LCMT1: variants seen among roughly 807,000 people sequenced by gnomAD.
LCMT1 encodes the protein leucine carboxyl methyltransferase 1.
In LCMT1, 32 loss-of-function variants were observed where a neutral mutation model predicts 47.7. The observed-to-expected ratio is 0.67, with a 90% CI of 0.51 to 0.90. LCMT1 has a LOEUF of 0.90. LCMT1 is among the 40% of genes least tolerant of loss of function. The pLI is 0.00. For synonymous variants in LCMT1, 152 were observed against 149.7 expected, an observed-to-expected ratio of 1.02 and a Z score of -0.11; for missense variants, 375 against 415.2, an observed-to-expected ratio of 0.90 and a Z score of 0.84.
rs372244438 is a variant in LCMT1, at chr16:25,111,887, G to A, written c.4G>A (p.Ala2Thr). 20 of 1,610,392 alleles carry A rather than the reference G, an allele frequency of 1.2e-5. No individual in the cohort carries two copies. Among genetic ancestry groups the A allele is most frequent in the African/African-American group, 1.1e-4 (8 of 74,872 alleles). The change falls in exon 1 of 11, where the codon GCC becomes ACC. Residue 2 changes from alanine to threonine, a missense_variant. Physicochemically the swap from Ala to Thr is moderately conservative, Grantham distance 58. Coordinates refer to ENST00000399069, the MANE Select transcript of LCMT1 (RefSeq NM_016309.3). Reference sequence around the variant, plus strand: ...GCTCCCAGGAACCTCCACGCCCATGGCCACTAGGCAGAGGGAATCCTCTAT... The same window carrying A: ...GCTCCCAGGAACCTCCACGCCCATGACCACTAGGCAGAGGGAATCCTCTAT... M[A>T]TRQRESSITS...
intron 3 of LCMT1, among the ~76,000 whole-genome samples, chr16:25,135,111 T>G (rs1286435278): frequency 6.6e-6 from 1 of 152,132 alleles, no homozygotes; most frequent in Non-Finnish European, 1.5e-5. Context: ...GAGCCTCTTA[T>G]TTATGAGCAA....
rs910272281 is a variant in LCMT1 at position 25,150,698 on chromosome 16, C to T, written c.405-856C>T. ...TCCCCATCCCCCCTTTTAAATTAGT[C>T]ATTTAAATAAAACCCTAATTCTTAT... On this transcript the variant is annotated intron_variant, in intron 4 of 10. Coordinates refer to ENST00000399069, the MANE Select transcript of LCMT1 (RefSeq NM_016309.3). Among the ~76,000 whole-genome samples the T allele has an allele frequency of 5.9e-5, 9 of 151,952 alleles. 1 individual carries two copies. Among genetic ancestry groups the T allele is most frequent in the Admixed American group, 2.0e-4 (3 of 15,240 alleles).
At chr16:25,127,400 C>T (rs1203049481) in intron 1 of LCMT1, among the ~76,000 whole-genome samples, 1 of 152,088 alleles carries the variant, frequency 6.6e-6, no homozygotes, top group African/African-American at 2.4e-5. Context: ...GAGTATTTTC[C>T]ATGTTTCTGT....
chr16:25,171,674 A>G (rs1265018443), intron 9 of LCMT1, among the ~76,000 whole-genome samples: 1 of 152,186 alleles, frequency 6.6e-6, no homozygotes, highest in Non-Finnish European at 1.5e-5. Flanking sequence ...TCAAGGACGT[A>G]TAAGGGGCTG....
At chr16:25,124,421 A>G (rs1960095464) in intron 1 of LCMT1, among the ~76,000 whole-genome samples, 1 of 152,214 alleles carries the variant, frequency 6.6e-6, no homozygotes, top group African/African-American at 2.4e-5. Context: ...TCAGTTCTCT[A>G]TGTTTATAGA....
At chr16:25,171,908 A>G (rs568198887) in intron 9 of LCMT1, among the ~76,000 whole-genome samples, 50 of 152,296 alleles carry the variant, frequency 3.3e-4, no homozygotes, top group African/African-American at 1.2e-3. Flanking sequence ...GAATCTGTGG[A>G]TTCATACTAC....
intron 1 of LCMT1, chr16:25,126,236 G>A (rs1463238652): frequency 8.8e-7 from 1 of 1,135,086 alleles, no homozygotes; most frequent in Non-Finnish European, 1.1e-6. Context: ...GCACCACTGT[G>A]ACCACGGACA....
intron 3 of LCMT1, 129 bp downstream of exon 3, chr16:25,132,652 C>G (rs1048609914): frequency 1.5e-5 from 14 of 938,278 alleles, no homozygotes; most frequent in Non-Finnish European, 2.2e-5. Context: ...CCTGTCCCAT[C>G]TGCCTAGATG....
intron 3 of LCMT1, among the ~76,000 whole-genome samples, chr16:25,136,449 C>A (rs1224390520): frequency 6.6e-6 from 1 of 151,948 alleles, no homozygotes. Flanking sequence ...CCATTTTGCC[C>A]CTTTCTCAAG....
At chr16:25,140,055 C>T in intron 3 of LCMT1, 116 bp from the exon 4 acceptor site, 1 of 723,172 alleles carries the variant, frequency 1.4e-6, no homozygotes, top group South Asian at 1.7e-5. Context: ...ATATCAGTCC[C>T]CTGATTTAAA....
intron 5 of LCMT1, 45 bp downstream of exon 5, chr16:25,151,660 C>T (rs774125773): frequency 2.8e-5 from 42 of 1,484,910 alleles, no homozygotes; most frequent in Non-Finnish European, 3.6e-5. Flanking sequence ...AGTATTTTTG[C>T]TTCCCACCCC....
At chr16:25,160,326 C>T (rs983756349) in intron 5 of LCMT1, among the ~76,000 whole-genome samples, 8 of 148,658 alleles carry the variant, frequency 5.4e-5, no homozygotes, top group South Asian at 2.2e-4. Flanking sequence ...TGGTTTAGCA[C>T]GCCACCCAGT....
At position 25,173,994 on chromosome 16, in the gene LCMT1, C is replaced by T. The variant is rs569114311; in HGVS notation, c.885-943C>T. ...TGGCGCGATCTCTGCTTACTGCAAC[C>T]TCCGCCTTCCAGGTTCAAGCAATTC... is the stretch of plus-strand genomic sequence containing the variant. On this transcript the variant is annotated intron_variant, in intron 9 of 10. Transcript: ENST00000399069. Among the ~76,000 whole-genome samples the T allele has an allele frequency of 6.6e-4, 100 of 152,338 alleles. 1 individual carries two copies. The highest frequency in any genetic ancestry group is 2.3e-3 in the African/African-American group (95 of 41,580).
chr16:25,137,209 T>C (rs1960528582), intron 3 of LCMT1, among the ~76,000 whole-genome samples: 1 of 152,128 alleles, frequency 6.6e-6, no homozygotes. Flanking sequence ...TAATAGTTTG[T>C]ATTTTTAGTA....
At chr16:25,138,828 G>A (rs1960582584) in intron 3 of LCMT1, among the ~76,000 whole-genome samples, 1 of 152,104 alleles carries the variant, frequency 6.6e-6, no homozygotes, top group Non-Finnish European at 1.5e-5. Context: ...GGATCCCCGT[G>A]TGATAATTTT....
intron 7 of LCMT1, 47 bp from the exon 8 acceptor site, chr16:25,169,065 T>C (rs776996553): frequency 3.8e-6 from 5 of 1,321,432 alleles, no homozygotes; most frequent in Non-Finnish European, 5.4e-6. Context: ...ATTTTGCATA[T>C]TTAGGAAACC....
At chr16:25,118,922 G>A (rs1240416253) in intron 1 of LCMT1, among the ~76,000 whole-genome samples, 1 of 152,156 alleles carries the variant, frequency 6.6e-6, no homozygotes, top group East Asian at 1.9e-4. Context: ...CCTCTCAGTG[G>A]GGTGGGAGCT....
chr16:25,120,435 T>C (rs1376771019), intron 1 of LCMT1, among the ~76,000 whole-genome samples: 2 of 150,820 alleles, frequency 1.3e-5, no homozygotes, highest in East Asian at 3.9e-4. Flanking sequence ...CTTTTTCTTT[T>C]TTTTTTTGAG....
chr16:25,116,750 C>T (rs921971427), intron 1 of LCMT1, among the ~76,000 whole-genome samples: 9 of 151,092 alleles, frequency 6.0e-5, no homozygotes, highest in Non-Finnish European at 1.0e-4. Context: ...AAAAATTAAC[C>T]AGTGTCGCGG....
Sources: allele counts gnomAD v4.1 joint callset (sites outside exome capture counted in the v4.1 genomes callset), GRCh38; gene constraint gnomAD v4.1.1; transcripts MANE v1.5; gene names NCBI Gene and HGNC (gene_info 2026-07-23, HGNC 2026-07-21).